CEP104: variants seen among roughly 807,000 people sequenced by gnomAD.
The protein encoded by CEP104 is centrosomal protein of 104 kDa.
In CEP104, 84 loss-of-function variants were observed where a neutral mutation model predicts 113.3. The ratio of observed to expected loss-of-function variants is 0.74; its 90% CI spans 0.62 to 0.89. CEP104 has a LOEUF of 0.89. CEP104 is among the 40% of genes least tolerant of loss of function. CEP104 has a pLI of 0.00. For synonymous variants in CEP104, 378 were observed against 421.7 expected, an observed-to-expected ratio of 0.90 and a Z score of 1.27; for missense variants, 1,053 against 1,156.6, an observed-to-expected ratio of 0.91 and a Z score of 1.30.
intron 20 of CEP104, 156 bp from the exon 21 acceptor site, chr1:3,816,526 CG>C (rs1215236286): frequency 6.6e-6 from 4 of 601,762 alleles, no homozygotes; most frequent in Non-Finnish European, 1.2e-5. Flanking sequence ...CACCTCCCTT[CG>C]GATATGTTAT....
Position 3,823,008 on chromosome 1 carries a change from CG to C in CEP104, c.2571+165del. The C allele has an allele frequency of 4.5e-6, 3 of 661,144 alleles. No individual in the cohort carries two copies. The highest frequency in any genetic ancestry group is 2.5e-5 in the East Asian group (1 of 39,708). 41.0% of individuals were successfully genotyped at this position (661,144 alleles called of 1,614,324 possible). On this transcript the variant is annotated intron_variant, in intron 20 of 21. Coordinates refer to ENST00000378230, the MANE Select transcript of CEP104 (RefSeq NM_014704.4). The surrounding 1 kb of genome is among the most constrained non-coding windows in gnomAD (Gnocchi z 4.1). ...GAAATCATGTGAACACGTAGGTAAA[CG>C]GAACGACTGCTCAGACAGGGCTCAC...
intron 2 of CEP104, among the ~76,000 whole-genome samples, chr1:3,850,210 C>T (rs2124696323): frequency 6.6e-6 from 1 of 152,260 alleles, no homozygotes; most frequent in South Asian, 2.1e-4. Context: ...TTAAAAAATC[C>T]TTCCAAAAAG....
chr1:3,831,757 G>A (rs114289793), intron 12 of CEP104, among the ~76,000 whole-genome samples: 649 of 152,234 alleles, frequency 4.3e-3, no homozygotes, highest in African/African-American at 0.015. Context: ...TTAATTAACC[G>A]GATATAGAGA....
chr1:3,824,086 G>C (rs1378864811), intron 18 of CEP104, among the ~76,000 whole-genome samples: 1 of 152,146 alleles, frequency 6.6e-6, no homozygotes, highest in Non-Finnish European at 1.5e-5. Flanking sequence ...CCCAGTCTTA[G>C]GGATATATAT....
intron 18 of CEP104, among the ~76,000 whole-genome samples, chr1:3,824,899 G>GC (rs1557663674): frequency 1.4e-5 from 2 of 146,484 alleles, no homozygotes; most frequent in Non-Finnish European, 3.0e-5. Context: ...CGTGGGAAGG[G>GC]GGCAGTGGCA....
intron 3 of CEP104, among the ~76,000 whole-genome samples, chr1:3,847,881 C>G (rs1462580768): frequency 6.6e-6 from 1 of 152,096 alleles, no homozygotes; most frequent in Admixed American, 6.5e-5. Flanking sequence ...GCTACCCAGG[C>G]TGGAGTGCAG....
intron 6 of CEP104, 45 bp from the exon 7 acceptor site, chr1:3,839,821 G>C (rs774516180): frequency 6.6e-7 from 1 of 1,518,526 alleles, no homozygotes; most frequent in African/African-American, 1.4e-5. Context: ...TCACGCCCTA[G>C]GAGTTCAGTG....
At chr1:3,847,993 C>T (rs905506676) in intron 3 of CEP104, among the ~76,000 whole-genome samples, 8 of 152,128 alleles carry the variant, frequency 5.3e-5, no homozygotes, top group South Asian at 4.1e-4. Flanking sequence ...CACCACCATG[C>T]CCGGCTAATT....
intron 21 of CEP104, 63 bp downstream of exon 21, chr1:3,816,216 CT>C: frequency 2.1e-6 from 3 of 1,405,966 alleles, no homozygotes; most frequent in Non-Finnish European, 9.7e-7. Context: ...GACGGGGATG[CT>C]TTTTTGAATA....
In CEP104 at chr1:3,833,927, C is replaced by T. The variant is rs148927222; in HGVS notation, c.1594G>A (p.Val532Ile). Reference protein sequence around the residue: ...TAHCVERTIPVLLTRTGDSSA... With the variant: ...TAHCVERTIPILLTRTGDSSA... Reference sequence around the variant, plus strand: ...GAATCTCCAGTTCTGGTGAGCAAAACGGGAATGGTCCTCTCCACACAGTGA... The same window carrying T: ...GAATCTCCAGTTCTGGTGAGCAAAATGGGAATGGTCCTCTCCACACAGTGA... Residue 532 changes from valine (V) to isoleucine (I), a missense_variant, in exon 12 of 22, where the codon GTT (valine) becomes ATT (isoleucine). By Grantham distance (29) the Val-to-Ile change is conservative. Coordinates refer to ENST00000378230, the MANE Select transcript of CEP104 (RefSeq NM_014704.4). The T allele has an allele frequency of 5.8e-5, 93 of 1,614,148 alleles. No homozygotes were observed. The East Asian group carries it at 1.7e-3, about 29-fold the overall frequency.
intron 14 of CEP104, 94 bp downstream of exon 14, chr1:3,829,697 C>A: frequency 7.5e-7 from 1 of 1,332,122 alleles, no homozygotes; most frequent in South Asian, 1.2e-5. Context: ...ACATGTGGCT[C>A]CTTCAAATGA....
At chr1:3,815,718 T>A (rs1477912369) in intron 21 of CEP104, among the ~76,000 whole-genome samples, 1 of 150,750 alleles carries the variant, frequency 6.6e-6, no homozygotes, top group East Asian at 2.0e-4. Context: ...AGACAGAGTC[T>A]CACTCTGTCA....
In CEP104 at chr1:3,823,663, C is replaced by A; in HGVS notation, c.2365-101G>T. On this transcript the variant is annotated intron_variant, in intron 18 of 21. Coordinates refer to ENST00000378230, the MANE Select transcript of CEP104 (RefSeq NM_014704.4). The surrounding 1 kb of genome is among the most constrained non-coding windows in gnomAD (Gnocchi z 4.1). Reference sequence around the variant, plus strand: ...GAGCGCCTCCCCTGCCCAGGGAGGTCTGTGCCGCCTGCACATGAAGTAAGC... The same window carrying A: ...GAGCGCCTCCCCTGCCCAGGGAGGTATGTGCCGCCTGCACATGAAGTAAGC... 7.3e-7 allele frequency: 1 copy of A among 1,371,386 alleles called. No individual in the cohort carries two copies. The highest frequency in any genetic ancestry group is 1.0e-6 in the Non-Finnish European group (1 of 981,314). 85.0% of individuals were successfully genotyped at this position (1,371,386 alleles called of 1,614,324 possible). A position where few individuals can be genotyped will look rare whatever the true frequency, so the allele number is the denominator to read the frequency against.
chr1:3,840,028 G>A (rs1339154842), intron 6 of CEP104, among the ~76,000 whole-genome samples: 2 of 152,190 alleles, frequency 1.3e-5, no homozygotes, highest in Non-Finnish European at 1.5e-5. Flanking sequence ...GGGCATCTGA[G>A]CCTCCAGTGC....
In CEP104 at chr1:3,844,911, C is replaced by T. The variant is rs201353912; in HGVS notation, c.562G>A (p.Ala188Thr). The change falls in exon 6 of 22, where the codon GCC (alanine) becomes ACC (threonine). Residue 188 changes from alanine to threonine, a missense_variant. Physicochemically the swap from Ala to Thr is moderately conservative, Grantham distance 58. Coordinates refer to ENST00000378230, the MANE Select transcript of CEP104 (RefSeq NM_014704.4). Reference sequence around the variant, plus strand: ...GATGGGGAGCAGGACTCTTACCTGGCGTACGTTCCTTCTAGAGCAGGGTCC... The same window carrying T: ...GATGGGGAGCAGGACTCTTACCTGGTGTACGTTCCTTCTAGAGCAGGGTCC... The part of the protein sequence containing the change: ...SEDPALEGTY[A>T]RKSDYISPLD... 3.1e-5 allele frequency: 50 copies of T among 1,612,806 alleles called. No individual in the cohort carries two copies. The highest frequency in any genetic ancestry group is 4.0e-5 in the Non-Finnish European group (47 of 1,178,994).
chr1:3,851,589 G>A (rs1644612515), intron 2 of CEP104, among the ~76,000 whole-genome samples: 1 of 152,154 alleles, frequency 6.6e-6, no homozygotes, highest in Admixed American at 6.5e-5. Context: ...CAGCTGTAAA[G>A]ACCAAAGCAG....
intron 20 of CEP104, among the ~76,000 whole-genome samples, chr1:3,817,804 C>T (rs1049971873): frequency 2.0e-5 from 3 of 152,210 alleles, no homozygotes; most frequent in Non-Finnish European, 2.9e-5. Context: ...GTGGCAGACA[C>T]GTGGCAGGGC....
At chr1:3,826,263 T>G (rs762360095) in intron 17 of CEP104, 107 bp downstream of exon 17, 2 of 896,394 alleles carry the variant, frequency 2.2e-6, no homozygotes, top group Non-Finnish European at 3.6e-6. Flanking sequence ...CTACCTTTTA[T>G]GATGACTACG....
In CEP104 at chr1:3,838,999, G is replaced by C. The variant is rs1644364646; in HGVS notation, c.856C>G (p.Gln286Glu). Residue 286 changes from glutamine (Q) to glutamate (E), a missense_variant, in exon 8 of 22, where the codon CAG (glutamine) becomes GAG (glutamate). Transcript: ENST00000378230. Reference protein sequence around the residue: ...MEQYRAEVYEQLELHSLLDAE... With the variant: ...MEQYRAEVYEELELHSLLDAE... ...TCCAGGAGGCTGTGCAGCTCCAGCT[G>C]CTCGTACACCTCGGCACGATACTGC... 4 of 1,614,010 alleles carry C rather than the reference G, an allele frequency of 2.5e-6. No homozygotes were observed. The South Asian group carries it at 3.3e-5, about 13-fold the overall frequency.
Sources: allele counts gnomAD v4.1 joint callset (sites outside exome capture counted in the v4.1 genomes callset), GRCh38; gene constraint gnomAD v4.1.1; non-coding constraint Gnocchi (gnomAD v3.1); transcripts MANE v1.5; gene names NCBI Gene and HGNC (gene_info 2026-07-23, HGNC 2026-07-21).